MED13L: variants seen among roughly 807,000 people sequenced by gnomAD.
The protein encoded by MED13L is mediator complex subunit 13L, also known as mediator of RNA polymerase II transcription subunit 13-like.
Under a neutral mutation model 220.9 loss-of-function variants are expected in MED13L, and 7 were observed. The observed-to-expected ratio is 0.03, with a 90% CI of 0.02 to 0.06. The LOEUF (loss-of-function observed/expected upper bound fraction) is 0.06. MED13L is among the 10% of genes least tolerant of loss of function. MED13L has a pLI of 1.00. For synonymous variants in MED13L, 1,011 were observed against 1,015.2 expected (o/e 1.00, Z 0.08); for missense variants, 1,965 against 2,760.5 (o/e 0.71, Z 6.46).
rs1389528162 is a variant in MED13L, at chr12:116,142,669, CA to C, written c.311-31158del. Among the ~76,000 whole-genome samples the C allele has an allele frequency of 2.0e-5, 3 of 151,724 alleles. No individual in the cohort carries two copies. In the East Asian group the frequency reaches 5.8e-4, roughly 29 times the overall value. On this transcript the variant is annotated intron_variant, in intron 2 of 30. Transcript: ENST00000281928. ...CGCCACAGCACTCCAGCCTGGACGACAAGAGTGAGGCCCAGTCTCCAAAAAA... is the reference window on the plus strand; with the variant it reads ...CGCCACAGCACTCCAGCCTGGACGACAGAGTGAGGCCCAGTCTCCAAAAAA...
intron 1 of MED13L, among the ~76,000 whole-genome samples, chr12:116,244,223 A>T (rs1870901552): frequency 6.6e-6 from 1 of 152,202 alleles, no homozygotes; most frequent in African/African-American, 2.4e-5. Flanking sequence ...TACAGTAAAC[A>T]TATTAAGTCA....
In MED13L at chr12:116,253,203, C is replaced by T. The variant is rs533096206; in HGVS notation, c.73-15498G>A. On this transcript the variant is annotated intron_variant, in intron 1 of 30. Transcript: ENST00000281928. The stretch of plus-strand genomic sequence containing the variant: ...CTTGAACCTGGGTGGGGGAGGGGGG[C>T]GGAGGTTGCACTAAGCCAAGATGGC... Among the ~76,000 whole-genome samples the T allele has an allele frequency of 2.2e-5, 3 of 135,250 alleles. No homozygotes were observed. In the South Asian group the frequency reaches 7.6e-4, roughly 34 times the overall value. 88.7% of individuals were successfully genotyped at this position (135,250 alleles called of 152,430 possible). A position where few individuals can be genotyped will look rare whatever the true frequency, so the allele number is the denominator to read the frequency against.
intron 2 of MED13L, among the ~76,000 whole-genome samples, chr12:116,144,534 T>C (rs1212744684): frequency 6.6e-6 from 1 of 152,226 alleles, no homozygotes; most frequent in East Asian, 1.9e-4. Flanking sequence ...CAATATAAGT[T>C]CTGCATGTTT....
chr12:116,212,237 T>TACC (rs927164050), intron 2 of MED13L, among the ~76,000 whole-genome samples: 1 of 152,230 alleles, frequency 6.6e-6, no homozygotes, highest in African/African-American at 2.4e-5. Context: ...TTTCACTGTA[T>TACC]ACCTTTGTAA....
At chr12:116,231,840 A>G (rs1395780768) in intron 2 of MED13L, among the ~76,000 whole-genome samples, 1 of 152,162 alleles carries the variant, frequency 6.6e-6, no homozygotes, top group African/African-American at 2.4e-5. Flanking sequence ...GTGTGTAAAT[A>G]TATTTAAAAA....
chr12:115,966,322 C>A, intron 28 of MED13L, 79 bp from the exon 29 acceptor site: 1 of 1,491,570 alleles, frequency 6.7e-7, no homozygotes, highest in Non-Finnish European at 9.3e-7. Context: ...GTTCACTCTG[C>A]ACACTGCAGT....
chr12:116,016,574 A>G (rs1879738715), intron 7 of MED13L, among the ~76,000 whole-genome samples: 1 of 152,214 alleles, frequency 6.6e-6, no homozygotes, highest in Non-Finnish European at 1.5e-5. Flanking sequence ...ATAGCTAAAG[A>G]GATCATATGC....
chr12:116,026,072 G>C (rs1300687541), intron 4 of MED13L, among the ~76,000 whole-genome samples: 1 of 152,068 alleles, frequency 6.6e-6, no homozygotes, highest in Non-Finnish European at 1.5e-5. Flanking sequence ...GAAAACATGA[G>C]GCAAGGAACA....
intron 4 of MED13L, among the ~76,000 whole-genome samples, chr12:116,075,674 T>A (rs1486876328): frequency 6.6e-6 from 1 of 152,182 alleles, no homozygotes; most frequent in African/African-American, 2.4e-5. Context: ...TTTCAATTTG[T>A]CTTTGAGTAC....
At chr12:116,161,707 C>T (rs940535059) in intron 2 of MED13L, among the ~76,000 whole-genome samples, 1 of 152,124 alleles carries the variant, frequency 6.6e-6, no homozygotes, top group Non-Finnish European at 1.5e-5. Context: ...GCTGCTTACT[C>T]AAACCAGAGG....
At position 116,111,515 on chromosome 12, in the gene MED13L, G is replaced by T; in HGVS notation, c.311-3C>A. ...TTCCCAGAGTCCTTCTTCCACAACTGAAAAAAAAAAGAAAAAAGAAAAAAA... is the reference window on the plus strand; with the variant it reads ...TTCCCAGAGTCCTTCTTCCACAACTTAAAAAAAAAAGAAAAAAGAAAAAAA... On this transcript the variant is annotated splice_region_variant and splice_polypyrimidine_tract_variant and intron_variant, in intron 2 of 30. Coordinates refer to ENST00000281928, the MANE Select transcript of MED13L (RefSeq NM_015335.5). The T allele has an allele frequency of 7.4e-7, 1 of 1,359,712 alleles. No homozygotes were observed. The highest frequency in any genetic ancestry group is 9.8e-7 in the Non-Finnish European group (1 of 1,016,586). The allele number at this position is 1,359,712 out of a possible 1,614,324, so 84.2% of individuals were successfully genotyped here. A position where few individuals can be genotyped will look rare whatever the true frequency, so the allele number is the denominator to read the frequency against.
At chr12:116,274,093 G>A (rs999383469) in intron 1 of MED13L, among the ~76,000 whole-genome samples, 2 of 152,150 alleles carry the variant, frequency 1.3e-5, no homozygotes, top group Non-Finnish European at 2.9e-5. Context: ...ACAGCAGTTA[G>A]AATAAGAAAC....
intron 2 of MED13L, among the ~76,000 whole-genome samples, chr12:116,133,027 A>G (rs1194671165): frequency 6.6e-6 from 1 of 152,234 alleles, no homozygotes; most frequent in Non-Finnish European, 1.5e-5. Context: ...CTTGTTAGGA[A>G]AAAATAAAAC....
rs57622950 is a variant in MED13L at position 116,119,809 on chromosome 12, TAAAAAAAAAA to T, written c.311-8307_311-8298del. Among the ~76,000 whole-genome samples, 178 of 38,790 alleles carry T rather than the reference TAAAAAAAAAA, an allele frequency of 4.6e-3. 1 individual carries two copies. Among genetic ancestry groups the T allele is most frequent in the Middle Eastern group, 0.017 (1 of 58 alleles). The allele number at this position is 38,790 out of a possible 152,430, so 25.4% of individuals were successfully genotyped here. ...GCAAGAGAGAAAGACCCCATATCTT[TAAAAAAAAAA>T]AAAAAAAAAAAAAAAAAAAATATAT... On this transcript the variant is annotated intron_variant, in intron 2 of 30. Transcript: ENST00000281928.
intron 27 of MED13L, 47 bp downstream of exon 27, chr12:115,970,547 C>A (rs1360807001): frequency 6.3e-7 from 1 of 1,590,310 alleles, no homozygotes; most frequent in Non-Finnish European, 8.6e-7. Flanking sequence ...TACTCCGGCT[C>A]TGCCCTGCAT....
At position 116,149,583 on chromosome 12, in the gene MED13L, G is replaced by A. The variant is rs574969157; in HGVS notation, c.311-38071C>T. Among the ~76,000 whole-genome samples the A allele has an allele frequency of 1.8e-4, 28 of 152,230 alleles. No individual in the cohort carries two copies. In the South Asian group the frequency reaches 5.4e-3, roughly 29 times the overall value. Reference sequence around the variant, plus strand: ...GCAAGTTACTTAAAAAACAGTATCCGGTATTTGTGAAAGAAGAGTTTTACA... The same window carrying A: ...GCAAGTTACTTAAAAAACAGTATCCAGTATTTGTGAAAGAAGAGTTTTACA... On this transcript the variant is annotated intron_variant, in intron 2 of 30. Coordinates refer to ENST00000281928, the MANE Select transcript of MED13L (RefSeq NM_015335.5).
intron 2 of MED13L, among the ~76,000 whole-genome samples, chr12:116,174,180 A>G (rs940584865): frequency 7.2e-5 from 11 of 152,206 alleles, no homozygotes; most frequent in African/African-American, 2.7e-4. Context: ...TTTAAAAGGC[A>G]GTAACCGAAA....
chr12:116,199,355 A>C (rs1480559570), intron 2 of MED13L, among the ~76,000 whole-genome samples: 1 of 152,180 alleles, frequency 6.6e-6, no homozygotes, highest in Non-Finnish European at 1.5e-5. Flanking sequence ...AATCAAAAAG[A>C]GAGTTTACAC....
chr12:116,257,135 T>C (rs901407925), intron 1 of MED13L, among the ~76,000 whole-genome samples: 1 of 152,258 alleles, frequency 6.6e-6, no homozygotes, highest in Non-Finnish European at 1.5e-5. Context: ...ACCTTAACTA[T>C]AAGAGAATTC....
Sources: allele counts gnomAD v4.1 joint callset (sites outside exome capture counted in the v4.1 genomes callset), GRCh38; gene constraint gnomAD v4.1.1; transcripts MANE v1.5; gene names NCBI Gene and HGNC (gene_info 2026-07-23, HGNC 2026-07-21).